BLMH: variants seen among roughly 807,000 people sequenced by gnomAD.
BLMH encodes the protein BLM hydrolase.
BLMH carries 32 observed loss-of-function variants against 61.6 expected under a neutral mutation model. The ratio of observed to expected loss-of-function variants is 0.52; its 90% CI spans 0.39 to 0.70. The LOEUF (loss-of-function observed/expected upper bound fraction) is 0.70, where lower values mean the gene tolerates loss of function less well. Ranked by LOEUF, BLMH falls within the 30% of genes least tolerant of loss-of-function variation. The probability of loss-of-function intolerance (pLI) is 0.00; values close to 1 mark genes in which losing one functional copy is unlikely to be tolerated. For synonymous variants in BLMH, 183 were observed against 193.8 expected (o/e 0.94, Z 0.46); for missense variants, 460 against 555.5 (o/e 0.83, Z 1.73).
chr17:30,260,081 C>T (rs1445991191), intron 11 of BLMH, among the ~76,000 whole-genome samples: 1 of 152,160 alleles, frequency 6.6e-6, no homozygotes, highest in Non-Finnish European at 1.5e-5. Context: ...TCTTATGCGC[C>T]TCACATGGTT....
intron 6 of BLMH, among the ~76,000 whole-genome samples, chr17:30,276,667 T>C (rs7215330): frequency 0.44 from 67,078 of 152,092 alleles, 15,862 homozygotes; most frequent in African/African-American, 0.61. Context: ...TTACCTCCCA[T>C]AACAAATCCA....
intron 11 of BLMH, among the ~76,000 whole-genome samples, chr17:30,264,631 G>A (rs1303958630): frequency 6.6e-6 from 1 of 152,158 alleles, no homozygotes; most frequent in Non-Finnish European, 1.5e-5. Flanking sequence ...TATTACAGAT[G>A]GAAAAATATC....
intron 6 of BLMH, among the ~76,000 whole-genome samples, chr17:30,284,398 A>G (rs1400506886): frequency 6.6e-6 from 1 of 152,224 alleles, no homozygotes; most frequent in African/African-American, 2.4e-5. Flanking sequence ...TGCATCTCTA[A>G]GATTTAAAGG....
chr17:30,279,627 T>C (rs535324886), intron 6 of BLMH, among the ~76,000 whole-genome samples: 11 of 152,116 alleles, frequency 7.2e-5, no homozygotes, highest in Non-Finnish European at 8.8e-5. Flanking sequence ...AGGAGCTCCA[T>C]TGTAACTGAT....
In BLMH at chr17:30,274,101, T is replaced by A; in HGVS notation, c.742A>T (p.Ile248Leu). ...TCCCTGTAAAACTCCAAGGGTGTTA[T>A]GGGGCCAATTTTCTGATAATTTTTA... ...KDKNYQKIGP[I>L]TPLEFYREHV... Residue 248 changes from isoleucine to leucine, a missense_variant, in exon 7 of 12, where the codon ATA (isoleucine) becomes TTA (leucine). Ile to Leu is a conservative substitution (Grantham distance 5). This residue lies in a region of BLMH where 310 missense variants were observed against 371.1 expected (regional missense o/e 0.84). Transcript: ENST00000261714. 1 of 1,614,200 alleles carries A rather than the reference T, an allele frequency of 6.2e-7. No individual in the cohort carries two copies. Among genetic ancestry groups the A allele is most frequent in the South Asian group, 1.1e-5 (1 of 91,080 alleles).
intron 2 of BLMH, among the ~76,000 whole-genome samples, chr17:30,290,167 A>C (rs752209656): frequency 1.3e-5 from 2 of 152,162 alleles, no homozygotes; most frequent in Non-Finnish European, 2.9e-5. Context: ...CCTGTATGTC[A>C]CCTCTCTTCT....
intron 2 of BLMH, among the ~76,000 whole-genome samples, chr17:30,289,793 G>A (rs944055974): frequency 1.1e-4 from 17 of 152,104 alleles, no homozygotes; most frequent in African/African-American, 4.1e-4. Flanking sequence ...CATTAGAAAA[G>A]TCTTTTAAGG....
intron 6 of BLMH, among the ~76,000 whole-genome samples, chr17:30,276,500 A>G (rs190592694): frequency 4.6e-5 from 7 of 152,328 alleles, no homozygotes; most frequent in Non-Finnish European, 1.0e-4. Context: ...GATCATGGAT[A>G]TTTTGTGTCC....
At chr17:30,263,808 T>A (rs1332196809) in intron 11 of BLMH, among the ~76,000 whole-genome samples, 1 of 152,212 alleles carries the variant, frequency 6.6e-6, no homozygotes, top group Admixed American at 6.5e-5. Context: ...ATCTCCAGCA[T>A]GTATTATCAA....
Position 30,269,023 on chromosome 17 carries a change from G to A in BLMH, c.1147-2069C>T, listed in dbSNP as rs375729147. ...CCACTGCACTCCAGCCTGGGCGACA[G>A]AGCAAGACTCAGTCTCAAAAAAAAC... On this transcript the variant is annotated intron_variant, in intron 10 of 11. Coordinates refer to ENST00000261714, the MANE Select transcript of BLMH (RefSeq NM_000386.4). Among the ~76,000 whole-genome samples the A allele has an allele frequency of 7.2e-4, 108 of 150,648 alleles. 1 individual carries two copies. The highest frequency in any genetic ancestry group is 2.6e-3 in the African/African-American group (106 of 41,116).
In BLMH at chr17:30,291,546, G is replaced by A. The variant is rs376454231; in HGVS notation, c.14-38C>T. ...CAAACAGGATTTTAACGCAAAAAGA[G>A]GGGGAAAGGGCTGATCTGGGGCTCC... On this transcript the variant is annotated intron_variant, in intron 1 of 11. Transcript: ENST00000261714. 8.5e-5 allele frequency: 136 copies of A among 1,607,048 alleles called. 1 individual carries two copies. The African/African-American group carries it at 1.6e-3, about 19-fold the overall frequency.
At chr17:30,250,671 G>A (rs1369061351) in intron 11 of BLMH, among the ~76,000 whole-genome samples, 2 of 152,244 alleles carry the variant, frequency 1.3e-5, no homozygotes, top group Non-Finnish European at 2.9e-5. Context: ...TAAGGAAAAC[G>A]GTATGGAGAT....
intron 10 of BLMH, among the ~76,000 whole-genome samples, chr17:30,269,178 TTG>T (rs1390838701): frequency 6.9e-6 from 1 of 145,426 alleles, no homozygotes; most frequent in African/African-American, 2.5e-5. Context: ...TATTTATTTA[TTG>T]TTTTTTTTTT....
intron 2 of BLMH, 95 bp from the exon 3 acceptor site, chr17:30,289,577 G>A: frequency 4.4e-6 from 3 of 684,060 alleles, no homozygotes; most frequent in Admixed American, 3.6e-5. Context: ...GACACGATCT[G>A]GACAATTCAG....
chr17:30,259,930 C>G (rs2143020347), intron 11 of BLMH, among the ~76,000 whole-genome samples: 1 of 152,280 alleles, frequency 6.6e-6, no homozygotes, highest in East Asian at 1.9e-4. Flanking sequence ...TTTTAGAGAT[C>G]TGAAACTGGA....
In BLMH at chr17:30,249,174, G is replaced by A; in HGVS notation, c.1217-6C>T. On this transcript the variant is annotated splice_region_variant and splice_polypyrimidine_tract_variant and intron_variant, in intron 11 of 11. Transcript: ENST00000261714. Reference sequence around the variant, plus strand: ...ATCTGTCATGCACAGGTAACCTGGAGAAAAGAACAGAAGACTTATGAGTCC... The same window carrying A: ...ATCTGTCATGCACAGGTAACCTGGAAAAAAGAACAGAAGACTTATGAGTCC... The A allele has an allele frequency of 1.2e-6, 2 of 1,614,008 alleles. No homozygotes were observed. The highest frequency in any genetic ancestry group is 1.7e-6 in the Non-Finnish European group (2 of 1,179,918).
intron 10 of BLMH, 76 bp downstream of exon 10, chr17:30,271,187 ATGAAGCTT>A (rs949541861): frequency 4.2e-5 from 44 of 1,049,738 alleles, no homozygotes; most frequent in Middle Eastern, 2.0e-4. Context: ...TACACTATGA[ATGAAGCTT>A]TGTTGGGTAA....
intron 11 of BLMH, among the ~76,000 whole-genome samples, chr17:30,265,877 C>T (rs935713280): frequency 6.6e-6 from 1 of 152,116 alleles, no homozygotes; most frequent in African/African-American, 2.4e-5. Flanking sequence ...TTACTAAAGA[C>T]AGTCTTTAAA....
chr17:30,273,156 C>T (rs1157726208), intron 7 of BLMH: 7 of 360,158 alleles, frequency 1.9e-5, no homozygotes, highest in Non-Finnish European at 2.0e-5. Flanking sequence ...AAGAACTGCT[C>T]CAAAAGCAAT....
Sources: gnomAD v4.1 joint callset for allele counts (sites outside exome capture counted in the v4.1 genomes callset) on GRCh38, gnomAD v4.1.1 for gene constraint, gnomAD v4.1.1 regional missense constraint, MANE v1.5 for transcripts, NCBI Gene and HGNC (gene_info 2026-07-23, HGNC 2026-07-21) for gene names.